STXBP4: variants seen among roughly 807,000 people sequenced by gnomAD.
STXBP4 encodes syntaxin binding protein 4, also known as syntaxin-binding protein 4.
Under a neutral mutation model 76.1 loss-of-function variants are expected in STXBP4, and 55 were observed. That is an observed-to-expected ratio of 0.72 (90% confidence interval 0.58 to 0.91). The LOEUF is 0.91. Among genes scored for constraint, STXBP4 ranks in the 40% least tolerant of loss-of-function variants. The pLI is 0.00. For missense variants in STXBP4, 618 were observed against 636.9 expected, an observed-to-expected ratio of 0.97 and a Z score of 0.32; for synonymous variants, 201 against 220.2, an observed-to-expected ratio of 0.91 and a Z score of 0.77.
At chr17:55,034,431 T>C (rs1486625052) in intron 10 of STXBP4, among the ~76,000 whole-genome samples, 172 bp downstream of exon 10, 1 of 152,270 alleles carries the variant, frequency 6.6e-6, no homozygotes, top group Admixed American at 6.5e-5. Flanking sequence ...ATCCTGATAT[T>C]CATTCTCCTC....
chr17:55,140,641 GC>G (rs5821087), intron 16 of STXBP4, among the ~76,000 whole-genome samples: 190 of 152,130 alleles, frequency 1.2e-3, no homozygotes, highest in Admixed American at 2.9e-3. Flanking sequence ...CAGAAATATG[GC>G]CAAATATTGC....
chr17:55,190,123 T>C, the STXBP4 span, among the ~76,000 whole-genome samples: 1 of 152,186 alleles, frequency 6.6e-6, no homozygotes, highest in Admixed American at 6.5e-5. Flanking sequence ...ATACTGAAGG[T>C]AGGAATCCTC....
chr17:55,137,881 G>T, intron 16 of STXBP4, among the ~76,000 whole-genome samples: 1 of 152,170 alleles, frequency 6.6e-6, no homozygotes, highest in South Asian at 2.1e-4. Flanking sequence ...CACCATCAAT[G>T]CTGTGTCTAA....
chr17:55,043,888 G>A lies in STXBP4; in HGVS notation c.945+563G>A, dbSNP rs144610777. 2,142 of 452,822 alleles carry A rather than the reference G, an allele frequency of 4.7e-3. 10 individuals carry two copies. The highest frequency in any genetic ancestry group is 0.014 in the Admixed American group (361 of 25,336). 28.1% of individuals were successfully genotyped at this position (452,822 alleles called of 1,614,324 possible). ...TTTTGAGACAGGGTCGCACTCTGTC[G>A]CCCAGGCTGGAGTGCAATACTGCAA... On this transcript the variant is annotated intron_variant, in intron 11 of 17. Coordinates refer to ENST00000376352, the MANE Select transcript of STXBP4 (RefSeq NM_178509.6).
At chr17:55,083,680 C>T (rs553666227) in intron 16 of STXBP4, among the ~76,000 whole-genome samples, 1 of 152,256 alleles carries the variant, frequency 6.6e-6, no homozygotes, top group East Asian at 1.9e-4. Flanking sequence ...AAGATGGGAG[C>T]TCATCTGTGG....
chr17:55,137,941 C>G (rs1268250452), intron 16 of STXBP4, among the ~76,000 whole-genome samples: 1 of 152,108 alleles, frequency 6.6e-6, no homozygotes, highest in African/African-American at 2.4e-5. Flanking sequence ...CATGGTATCT[C>G]ATAATAACTT....
chr17:55,046,317 G>T (rs1225136762), intron 11 of STXBP4, among the ~76,000 whole-genome samples: 1 of 151,818 alleles, frequency 6.6e-6, no homozygotes, highest in East Asian at 1.9e-4. Flanking sequence ...TCACCTCTTA[G>T]ACAAGAATAA....
chr17:55,041,360 G>C (rs540467584), intron 10 of STXBP4, among the ~76,000 whole-genome samples: 1 of 151,736 alleles, frequency 6.6e-6, no homozygotes, highest in African/African-American at 2.4e-5. Flanking sequence ...GGAACTACAG[G>C]AGTACCCCGC....
intron 16 of STXBP4, among the ~76,000 whole-genome samples, chr17:55,084,873 G>T (rs1244016093): frequency 2.0e-5 from 3 of 152,120 alleles, no homozygotes; most frequent in Non-Finnish European, 1.5e-5. Context: ...ATAACCAAAG[G>T]ACTATAAATC....
At chr17:55,195,824 C>G in the STXBP4 span, among the ~76,000 whole-genome samples, 74 of 152,022 alleles carry the variant, frequency 4.9e-4, no homozygotes, top group African/African-American at 1.6e-3. Flanking sequence ...CAGTGGTTCT[C>G]AACCAGCAGA....
chr17:55,047,660 A>G (rs973386173), intron 12 of STXBP4, among the ~76,000 whole-genome samples: 1 of 151,894 alleles, frequency 6.6e-6, no homozygotes, highest in Non-Finnish European at 1.5e-5. Flanking sequence ...TGACAATATC[A>G]TAAAATGAAA....
At position 55,000,842 on chromosome 17, in the gene STXBP4, C is replaced by T; in HGVS notation, c.533C>T (p.Pro178Leu). Residue 178 changes from proline to leucine, a missense_variant, in exon 7 of 18, where the codon CCA (proline) becomes CTA (leucine). Physicochemically the swap from Pro to Leu is moderately conservative, Grantham distance 98. Coordinates refer to ENST00000376352, the MANE Select transcript of STXBP4 (RefSeq NM_178509.6). ...KTGYNKTVQI[P>L]ITSENSTVGL... ...GGATACAACAAAACAGTACAGATTC[C>T]AATTACTTCAGAAAACAGTACTGTG... 1 of 1,610,492 alleles carries T rather than the reference C, an allele frequency of 6.2e-7. No homozygotes were observed. Among genetic ancestry groups the T allele is most frequent in the Non-Finnish European group, 8.5e-7 (1 of 1,177,266 alleles).
chr17:55,045,044 G>T (rs1229132115), intron 11 of STXBP4, among the ~76,000 whole-genome samples: 5 of 151,978 alleles, frequency 3.3e-5, no homozygotes, highest in Non-Finnish European at 5.9e-5. Flanking sequence ...CTTTGTAGAT[G>T]TATCTTTGGG....
downstream of STXBP4, among the ~76,000 whole-genome samples, chr17:55,177,200 A>G (rs2080434308): frequency 6.6e-6 from 1 of 152,188 alleles, no homozygotes; most frequent in South Asian, 2.1e-4. Flanking sequence ...ACTGAAACAC[A>G]GGGCAATGGC....
At chr17:55,213,242 G>GTGGC in the STXBP4 span, among the ~76,000 whole-genome samples, 2 of 152,324 alleles carry the variant, frequency 1.3e-5, no homozygotes, top group East Asian at 3.9e-4. Flanking sequence ...GGTCAGGTGT[G>GTGGC]TGGCTCATGC....
intron 16 of STXBP4, among the ~76,000 whole-genome samples, chr17:55,092,781 A>G (rs996559890): frequency 1.3e-5 from 2 of 152,174 alleles, no homozygotes; most frequent in South Asian, 2.1e-4. Flanking sequence ...GTACTGTAAC[A>G]TTTTAAAGGC....
chr17:55,096,142 T>C (rs2079483406), intron 16 of STXBP4, among the ~76,000 whole-genome samples: 1 of 152,058 alleles, frequency 6.6e-6, no homozygotes, highest in Non-Finnish European at 1.5e-5. Flanking sequence ...ATGGGGGTTT[T>C]GTGTGTTTGG....
chr17:55,044,972 A>G lies in STXBP4; in HGVS notation c.945+1647A>G, dbSNP rs1364577648. Among the ~76,000 whole-genome samples, 3 of 152,026 alleles carry G rather than the reference A, an allele frequency of 2.0e-5. No individual in the cohort carries two copies. The South Asian group carries it at 6.2e-4, about 32-fold the overall frequency. Reference sequence around the variant, plus strand: ...CTATACATTAAATAGTTATTTGGCCAGTTCCCTATTGATGGACATTAGACT... The same window carrying G: ...CTATACATTAAATAGTTATTTGGCCGGTTCCCTATTGATGGACATTAGACT... On this transcript the variant is annotated intron_variant, in intron 11 of 17. Transcript: ENST00000376352.
chr17:54,969,875 A>G (rs58991548), intron 1 of STXBP4, among the ~76,000 whole-genome samples: 2,991 of 152,322 alleles, frequency 0.02, 68 homozygotes, highest in East Asian at 0.13. Flanking sequence ...CTCAGAAAAT[A>G]ATCAAGTAAC....
Sources: gnomAD v4.1 joint callset for allele counts (sites outside exome capture counted in the v4.1 genomes callset) on GRCh38, gnomAD v4.1.1 for gene constraint, MANE v1.5 for transcripts, NCBI Gene and HGNC (gene_info 2026-07-23, HGNC 2026-07-21) for gene names.